The following DCC variants were observed in gnomAD, a reference collection of about 807,000 sequenced individuals.
The protein encoded by DCC is netrin receptor DCC.
In DCC, 58 loss-of-function variants were observed where a neutral mutation model predicts 172.5. The ratio of observed to expected loss-of-function variants is 0.34; its 90% CI spans 0.27 to 0.42. DCC has a LOEUF of 0.42. Among genes scored for constraint, DCC ranks in the 10% least tolerant of loss-of-function variants. The pLI, the probability that DCC is intolerant of heterozygous loss-of-function variation, is 1.00. For synonymous variants in DCC, 709 were observed against 644.5 expected (o/e 1.10, Z -1.52); for missense variants, 1,740 against 1,791.0 (o/e 0.97, Z 0.51).
chr18:52,586,455 C>A (rs767227859), intron 1 of DCC, among the ~76,000 whole-genome samples: 1 of 152,118 alleles, frequency 6.6e-6, no homozygotes, highest in Non-Finnish European at 1.5e-5. Context: ...CACTGCAACT[C>A]CCTTCTTAGC....
At chr18:53,205,108 C>T in intron 9 of DCC, 108 bp from the exon 10 acceptor site, 1 of 833,562 alleles carries the variant, frequency 1.2e-6, no homozygotes, top group Non-Finnish European at 2.1e-6. Context: ...AAAATACATA[C>T]TCCTAGAATT....
At chr18:52,627,468 C>T (rs944545995) in intron 1 of DCC, among the ~76,000 whole-genome samples, 1 of 152,090 alleles carries the variant, frequency 6.6e-6, no homozygotes, top group Non-Finnish European at 1.5e-5. Flanking sequence ...CTCCTTAGGC[C>T]TTGTTTCTTA....
intron 5 of DCC, among the ~76,000 whole-genome samples, chr18:53,024,986 A>G (rs962674913): frequency 3.3e-5 from 5 of 152,174 alleles, no homozygotes; most frequent in African/African-American, 1.2e-4. Context: ...TTTTATTTAC[A>G]TAAGTAATAC....
At chr18:53,049,299 G>A (rs1015719695) in intron 5 of DCC, among the ~76,000 whole-genome samples, 3 of 151,940 alleles carry the variant, frequency 2.0e-5, no homozygotes, top group Non-Finnish European at 2.9e-5. Context: ...TATCTTCCAA[G>A]GTTTTTAAAT....
chr18:52,642,618 T>C (rs549753856), intron 1 of DCC, among the ~76,000 whole-genome samples: 2 of 152,208 alleles, frequency 1.3e-5, no homozygotes, highest in South Asian at 2.1e-4. Flanking sequence ...CTTAATATTT[T>C]TTTTTACTTG....
chr18:52,755,265 G>T (rs1256388949), intron 2 of DCC, among the ~76,000 whole-genome samples: 1 of 152,198 alleles, frequency 6.6e-6, no homozygotes, highest in Non-Finnish European at 1.5e-5. Flanking sequence ...AAAGGCAGCT[G>T]CCTATGCACT....
chr18:53,083,272 C>T (rs2042831808), intron 7 of DCC, among the ~76,000 whole-genome samples: 1 of 151,938 alleles, frequency 6.6e-6, no homozygotes, highest in East Asian at 1.9e-4. Flanking sequence ...TATATTGTTG[C>T]CAAAAGAAAT....
intron 1 of DCC, among the ~76,000 whole-genome samples, chr18:52,488,118 G>T (rs2030323047): frequency 6.6e-6 from 1 of 152,082 alleles, no homozygotes; most frequent in South Asian, 2.1e-4. Flanking sequence ...TAAAAGGAAA[G>T]AAACAAAATG....
chr18:53,104,126 G>A (rs2043211480), intron 7 of DCC, among the ~76,000 whole-genome samples: 1 of 151,988 alleles, frequency 6.6e-6, no homozygotes, highest in African/African-American at 2.4e-5. Flanking sequence ...CTTCAGTGTG[G>A]TGCAGCATGG....
At position 53,347,141 on chromosome 18, in the gene DCC, C is replaced by T. The variant is rs1392845580; in HGVS notation, c.2359+7234C>T. The stretch of plus-strand genomic sequence containing the variant: ...CTGTTTCCCTCATCCCCTGAAACTA[C>T]TTTCAGTGATTCTTCTGGCACAAAG... On this transcript the variant is annotated intron_variant, in intron 15 of 28. Transcript: ENST00000442544. Among the ~76,000 whole-genome samples, 11 of 152,260 alleles carry T rather than the reference C, an allele frequency of 7.2e-5. No individual in the cohort carries two copies. The South Asian group carries it at 1.9e-3, about 26-fold the overall frequency.
intron 2 of DCC, among the ~76,000 whole-genome samples, chr18:52,850,035 G>T (rs900846559): frequency 6.6e-6 from 1 of 152,126 alleles, no homozygotes; most frequent in African/African-American, 2.4e-5. Flanking sequence ...ATAGTTGGTG[G>T]GGTTCGTATG....
At chr18:52,724,357 C>T (rs1020100839) in intron 1 of DCC, among the ~76,000 whole-genome samples, 10 of 151,954 alleles carry the variant, frequency 6.6e-5, no homozygotes, top group South Asian at 4.2e-4. Flanking sequence ...CTATGTTGCC[C>T]GGGCTGGTCT....
intron 1 of DCC, among the ~76,000 whole-genome samples, chr18:52,481,302 C>G (rs2029951493): frequency 6.7e-6 from 1 of 149,824 alleles, no homozygotes; most frequent in African/African-American, 2.4e-5. Context: ...TATTCCTTTT[C>G]CTTTTGGGCT....
intron 12 of DCC, among the ~76,000 whole-genome samples, chr18:53,245,323 T>A (rs1162413952): frequency 5.9e-5 from 9 of 152,166 alleles, no homozygotes; most frequent in Non-Finnish European, 1.2e-4. Flanking sequence ...AGAAGCAGCA[T>A]AGTTAGTGGT....
chr18:52,758,607 G>A (rs1294309823), intron 2 of DCC, among the ~76,000 whole-genome samples: 3 of 151,752 alleles, frequency 2.0e-5, no homozygotes, highest in Admixed American at 6.6e-5. Flanking sequence ...TATGGTGAGA[G>A]AAGCTAGAAT....
At chr18:52,776,881 G>T (rs2145176974) in intron 2 of DCC, among the ~76,000 whole-genome samples, 1 of 152,120 alleles carries the variant, frequency 6.6e-6, no homozygotes, top group East Asian at 1.9e-4. Context: ...GATGCACAAG[G>T]GCTCAGAAAG....
At chr18:53,340,212 G>C (rs1041840781) in intron 15 of DCC, among the ~76,000 whole-genome samples, 2 of 151,890 alleles carry the variant, frequency 1.3e-5, no homozygotes, top group African/African-American at 4.8e-5. Flanking sequence ...AAGTGCGTTG[G>C]GCCATTTTTC....
intron 12 of DCC, among the ~76,000 whole-genome samples, chr18:53,304,217 A>G (rs1480249728): frequency 3.9e-5 from 6 of 152,034 alleles, no homozygotes; most frequent in Admixed American, 3.9e-4. Flanking sequence ...AACAGGAATG[A>G]CTGTTCTCAT....
intron 7 of DCC, among the ~76,000 whole-genome samples, chr18:53,104,216 C>CT (rs948359100): frequency 1.3e-5 from 2 of 151,968 alleles, no homozygotes; most frequent in African/African-American, 4.8e-5. Context: ...TTCTCAGAAT[C>CT]TTTTAAGACC....
Sources: gnomAD v4.1 joint callset for allele counts (sites outside exome capture counted in the v4.1 genomes callset) on GRCh38, gnomAD v4.1.1 for gene constraint, MANE v1.5 for transcripts, NCBI Gene and HGNC (gene_info 2026-07-23, HGNC 2026-07-21) for gene names.